The following AKR1B15 variants were observed in gnomAD, a reference collection of about 807,000 sequenced individuals.
AKR1B15 encodes the protein aldo-keto reductase family 1 member B15.
AKR1B15 carries 49 observed loss-of-function variants against 38.5 expected under a neutral mutation model. The ratio of observed to expected loss-of-function variants is 1.27; its 90% confidence interval spans 1.01 to 1.62. The LOEUF (loss-of-function observed/expected upper bound fraction) is 1.62. AKR1B15 is among the 40% of genes most tolerant of loss of function. The pLI is 0.00. For synonymous variants in AKR1B15, 137 were observed against 135.5 expected (o/e 1.01, Z -0.08); for missense variants, 411 against 381.6 (o/e 1.08, Z -0.64).
intron 2 of AKR1B15, among the ~76,000 whole-genome samples, chr7:134,561,746 G>T (rs1009069643): frequency 2.0e-5 from 3 of 151,768 alleles, no homozygotes; most frequent in African/African-American, 7.3e-5. Flanking sequence ...ACGTGGCCCT[G>T]GCCTGTCATG....
chr7:134,553,436 A>G (rs1227215980), intron 1 of AKR1B15, among the ~76,000 whole-genome samples: 1 of 152,190 alleles, frequency 6.6e-6, no homozygotes, highest in Non-Finnish European at 1.5e-5. Flanking sequence ...CTTTAGGGCC[A>G]TGGCAACACC....
chr7:134,575,133 A>G (rs1009742273), intron 6 of AKR1B15, among the ~76,000 whole-genome samples: 1 of 152,128 alleles, frequency 6.6e-6, no homozygotes, highest in Non-Finnish European at 1.5e-5. Flanking sequence ...TCCATGGTGT[A>G]TGGAACTATA....
intron 10 of AKR1B15, 35 bp downstream of exon 10, chr7:134,577,081 A>G: frequency 1.3e-6 from 2 of 1,576,598 alleles, no homozygotes; most frequent in Non-Finnish European, 1.7e-6. Flanking sequence ...GGTATTCCTC[A>G]GTGGAGTGGG....
chr7:134,578,188 C>G (rs1364438208), intron 11 of AKR1B15, among the ~76,000 whole-genome samples: 1 of 152,136 alleles, frequency 6.6e-6, no homozygotes, highest in African/African-American at 2.4e-5. Flanking sequence ...AGAAATAAAT[C>G]AACTCAAAAT....
In AKR1B15 at chr7:134,568,216, A is replaced by G; in HGVS notation, c.209A>G (p.His70Arg). 6.2e-7 allele frequency: 1 copy of G among 1,614,166 alleles called. No individual in the cohort carries two copies. Among genetic ancestry groups the G allele is most frequent in the Non-Finnish European group, 8.5e-7 (1 of 1,180,002 alleles). Residue 70 changes from histidine to arginine, a missense_variant, in exon 4 of 12, where the codon CAC becomes CGC. Transcript: ENST00000457545. ...VKVAIDAEYR[H>R]IDCAYFYENQ... ...GTGGCCATTGATGCAGAATATCGCC[A>G]CATTGACTGTGCCTATTTCTATGAG...
chr7:134,562,254 G>C (rs926090244), intron 2 of AKR1B15, among the ~76,000 whole-genome samples: 2 of 152,198 alleles, frequency 1.3e-5, no homozygotes, highest in African/African-American at 4.8e-5. Context: ...CCCAAAGAGT[G>C]AGCAGCAGGA....
At chr7:134,564,133 C>T (rs1353287017) in intron 2 of AKR1B15, among the ~76,000 whole-genome samples, 1 of 152,172 alleles carries the variant, frequency 6.6e-6, no homozygotes, top group Admixed American at 6.5e-5. Flanking sequence ...AGCTAATACC[C>T]CTGCTTATAG....
At chr7:134,564,459 G>A (rs554474397) in intron 2 of AKR1B15, 139 bp from the exon 3 acceptor site, 1 of 464,458 alleles carries the variant, frequency 2.2e-6, no homozygotes, top group South Asian at 3.5e-5. Context: ...ATCAGGCAAT[G>A]CCTTTCTAAT....
chr7:134,572,977 C>T (rs981683182), intron 6 of AKR1B15, among the ~76,000 whole-genome samples: 32 of 152,226 alleles, frequency 2.1e-4, no homozygotes, highest in African/African-American at 7.7e-4. Flanking sequence ...TGACATGATT[C>T]AATTAAATGT....
At chr7:134,553,476 C>T (rs1244944334) in intron 1 of AKR1B15, among the ~76,000 whole-genome samples, 1 of 152,164 alleles carries the variant, frequency 6.6e-6, no homozygotes, top group Non-Finnish European at 1.5e-5. Flanking sequence ...GAGACTGGAC[C>T]CTGTGGCCTC....
chr7:134,567,285 A>G (rs1207943998), intron 3 of AKR1B15, among the ~76,000 whole-genome samples: 1 of 152,226 alleles, frequency 6.6e-6, no homozygotes, highest in Non-Finnish European at 1.5e-5. Context: ...AGGTTAGAAC[A>G]AAGTGTGATA....
chr7:134,565,412 G>A (rs1442736337), intron 3 of AKR1B15: 1 of 1,609,862 alleles, frequency 6.2e-7, no homozygotes, highest in African/African-American at 1.3e-5. Flanking sequence ...CCTCTGGAAG[G>A]AACCAACTCT....
intron 2 of AKR1B15, among the ~76,000 whole-genome samples, chr7:134,562,832 C>CTCTTTCTTTCTTTCGT (rs1284674661): frequency 6.5e-5 from 8 of 122,600 alleles, no homozygotes; most frequent in African/African-American, 2.2e-4. Context: ...TCCTTCCTTT[C>CTCTTTCTTTCTTTCGT]TCTTTCTTTC....
At chr7:134,573,507 G>A (rs1794705417) in intron 6 of AKR1B15, 1 of 985,394 alleles carries the variant, frequency 1.0e-6, no homozygotes, top group African/African-American at 1.7e-5. Flanking sequence ...AAGTTCAGAG[G>A]CTCTGATTTG....
At chr7:134,556,112 T>A (rs551703556) in intron 1 of AKR1B15, among the ~76,000 whole-genome samples, 1 of 152,306 alleles carries the variant, frequency 6.6e-6, no homozygotes, top group South Asian at 2.1e-4. Flanking sequence ...ATGTTCACCA[T>A]CCAGAAAAAA....
At chr7:134,553,820 A>G (rs767341216) in intron 1 of AKR1B15, among the ~76,000 whole-genome samples, 12 of 152,152 alleles carry the variant, frequency 7.9e-5, no homozygotes, top group Non-Finnish European at 1.5e-4. Flanking sequence ...ATGTGCCTCT[A>G]AAGGAGGTGG....
intron 5 of AKR1B15, chr7:134,570,549 G>T (rs767869450): frequency 1.4e-4 from 22 of 152,086 alleles, no homozygotes; most frequent in Non-Finnish European, 2.6e-4. Flanking sequence ...TTCTCTCTTT[G>T]TAATCTTTCC....
intron 2 of AKR1B15, among the ~76,000 whole-genome samples, chr7:134,563,990 A>G (rs574108205): frequency 4.6e-5 from 7 of 152,244 alleles, no homozygotes; most frequent in Non-Finnish European, 8.8e-5. Context: ...ATGTCAACCT[A>G]TATCTGCCTC....
chr7:134,556,044 G>A (rs1358133706), intron 1 of AKR1B15, among the ~76,000 whole-genome samples: 1 of 152,124 alleles, frequency 6.6e-6, no homozygotes, highest in African/African-American at 2.4e-5. Flanking sequence ...TAACTCAATG[G>A]TATTACAGCA....
Sources: allele counts gnomAD v4.1 joint callset (sites outside exome capture counted in the v4.1 genomes callset), GRCh38; gene constraint gnomAD v4.1.1; transcripts MANE v1.5; gene names NCBI Gene and HGNC (gene_info 2026-07-23, HGNC 2026-07-21).